Variants in MRTFA observed in about 807,000 individuals in gnomAD.
MRTFA encodes myocardin related transcription factor A.
In MRTFA, 20 loss-of-function variants were observed where a neutral mutation model predicts 83.5. The observed-to-expected ratio is 0.24, with a 90% CI of 0.17 to 0.35. The LOEUF is 0.35. Ranked by LOEUF, MRTFA falls within the 10% of genes least tolerant of loss-of-function variation. The pLI is 1.00. For missense variants in MRTFA, 1,200 were observed against 1,224.7 expected (o/e 0.98, Z 0.30); for synonymous variants, 659 against 541.2 (o/e 1.22, Z -3.02).
At chr22:40,543,753 G>A (rs191306058) in intron 3 of MRTFA, among the ~76,000 whole-genome samples, 1,661 of 152,298 alleles carry the variant, frequency 0.011, 21 homozygotes, top group South Asian at 0.034. Flanking sequence ...TGGAAAATAT[G>A]TATTTACAGT....
At chr22:40,517,063 T>C (rs2054773505) in intron 3 of MRTFA, among the ~76,000 whole-genome samples, 1 of 152,108 alleles carries the variant, frequency 6.6e-6, no homozygotes, top group Admixed American at 6.6e-5. Context: ...GCTGGGACTA[T>C]AGGTGTGCAC....
At chr22:40,514,530 G>A (rs1044802247) in intron 3 of MRTFA, among the ~76,000 whole-genome samples, 8 of 145,992 alleles carry the variant, frequency 5.5e-5, no homozygotes, top group Non-Finnish European at 1.2e-4. Flanking sequence ...GCTGGAGTGC[G>A]ATGGCATGAA....
chr22:40,602,703 G>A (rs944407596), intron 1 of MRTFA, among the ~76,000 whole-genome samples: 7 of 150,954 alleles, frequency 4.6e-5, no homozygotes, highest in African/African-American at 7.3e-5. Context: ...AAAAATTAGC[G>A]AGGCGTGGTG....
chr22:40,416,866 C>T lies in MRTFA; in HGVS notation c.2578+120G>A, dbSNP rs1278154447. 2 of 940,576 alleles carry T rather than the reference C, an allele frequency of 2.1e-6. No individual in the cohort carries two copies. The highest frequency in any genetic ancestry group is 2.6e-5 in the East Asian group (1 of 37,838). 58.3% of individuals were successfully genotyped at this position (940,576 alleles called of 1,614,324 possible). On this transcript the variant is annotated intron_variant, in intron 14 of 14. Coordinates refer to ENST00000355630, the MANE Select transcript of MRTFA (RefSeq NM_020831.6). This position sits in a 1 kb window ranked among gnomAD's most constrained non-coding sequence, Gnocchi z 4.2. ...GGGCTCACAGCCACCACTGCATCCA[C>T]AGTGCTTGCCCAAGACTGGTCACGC...
chr22:40,607,482 C>G (rs1490136420), intron 1 of MRTFA, among the ~76,000 whole-genome samples: 2 of 144,662 alleles, frequency 1.4e-5, no homozygotes, highest in African/African-American at 5.1e-5. Context: ...CCAGCCTGGG[C>G]GACAGAGCGA....
At chr22:40,611,996 AT>A (rs1229845186) in intron 1 of MRTFA, among the ~76,000 whole-genome samples, 1 of 152,214 alleles carries the variant, frequency 6.6e-6, no homozygotes, top group Non-Finnish European at 1.5e-5. Context: ...TATTAAGCCT[AT>A]GTTATTTTTC....
chr22:40,423,602 C>T lies in MRTFA; in HGVS notation c.861G>A (p.Leu287=). 6.3e-7 allele frequency: 1 copy of T among 1,595,086 alleles called. No homozygotes were observed. Among genetic ancestry groups the T allele is most frequent in the Non-Finnish European group, 8.5e-7 (1 of 1,169,800 alleles). Residue 287 remains leucine (L), a synonymous_variant, in exon 9 of 15, where the codon CTG becomes CTA. Transcript: ENST00000355630. ...TTCCATTGGTGAGGCTGGGAGGCAG[C>T]AGAGGTGGGGGAGGCAGAGGAGGCT...
At chr22:40,428,131 A>C (rs193113372) in intron 7 of MRTFA, among the ~76,000 whole-genome samples, 17 of 152,256 alleles carry the variant, frequency 1.1e-4, no homozygotes, top group African/African-American at 3.8e-4. Context: ...CATCCTAGCA[A>C]ATTATCAAGC....
chr22:40,504,737 A>G (rs1461767854), intron 3 of MRTFA, among the ~76,000 whole-genome samples: 1 of 152,230 alleles, frequency 6.6e-6, no homozygotes. Context: ...AATGAACCTC[A>G]AGATGTGTGA....
At chr22:40,617,175 A>AGGG (rs1349228357) in intron 1 of MRTFA, among the ~76,000 whole-genome samples, 14 of 85,470 alleles carry the variant, frequency 1.6e-4, no homozygotes, top group Middle Eastern at 0.018. Context: ...GGAAGGAGGG[A>AGGG]AGGAGGGAAG....
intron 1 of MRTFA, among the ~76,000 whole-genome samples, chr22:40,617,206 G>A (rs2056462033): frequency 1.6e-5 from 2 of 122,700 alleles, no homozygotes; most frequent in Non-Finnish European, 3.5e-5. Context: ...GGGAGGGAGG[G>A]AGGGAGGGAG....
intron 10 of MRTFA, 103 bp from the exon 11 acceptor site, chr22:40,420,679 G>A: frequency 6.5e-7 from 1 of 1,544,852 alleles, no homozygotes; most frequent in Non-Finnish European, 8.7e-7. Flanking sequence ...ATGGGCATGG[G>A]GCAAGGGCCC....
chr22:40,457,418 CAGAATGAAAGAAAGAAAG>C (rs2053604622), intron 4 of MRTFA, among the ~76,000 whole-genome samples: 2 of 91,430 alleles, frequency 2.2e-5, no homozygotes, highest in Admixed American at 1.3e-4. Context: ...GAGAGAGAGA[CAGAATGAAAGAAAGAAAG>C]AGAAAGAAAG....
intron 2 of MRTFA, among the ~76,000 whole-genome samples, chr22:40,553,082 C>T (rs1326784508): frequency 6.6e-6 from 1 of 152,216 alleles, no homozygotes; most frequent in Non-Finnish European, 1.5e-5. Context: ...TTTGCCCCTA[C>T]TCTAGAGAGA....
chr22:40,572,935 G>A lies in MRTFA; in HGVS notation c.-21-20568C>T, dbSNP rs529183038. On this transcript the variant is annotated intron_variant, in intron 2 of 14. Transcript: ENST00000355630. ...TTACAATTCAAGATGAGACTTGGGT[G>A]GCGACACAGCCAAACCATAACAATT... Among the ~76,000 whole-genome samples, 26 of 152,328 alleles carry A rather than the reference G, an allele frequency of 1.7e-4. No individual in the cohort carries two copies. In the South Asian group the frequency reaches 5.4e-3, roughly 32 times the overall value.
intron 3 of MRTFA, among the ~76,000 whole-genome samples, chr22:40,551,759 A>G (rs2055447643): frequency 6.6e-6 from 1 of 152,238 alleles, no homozygotes; most frequent in Admixed American, 6.5e-5. Context: ...TGACAAGGCT[A>G]TACGATAGAG....
Position 40,581,907 on chromosome 22 carries a change from T to C in MRTFA, c.-22+12767A>G, listed in dbSNP as rs193166500. Among the ~76,000 whole-genome samples the C allele has an allele frequency of 3.3e-5, 5 of 152,332 alleles. No individual in the cohort carries two copies. In the East Asian group the frequency reaches 9.6e-4, roughly 29 times the overall value. ...TAATTTGGTCTTACTTGTTAGATAATAGCTTTACTGGTATATAATTCACAT... is the reference window on the plus strand; with the variant it reads ...TAATTTGGTCTTACTTGTTAGATAACAGCTTTACTGGTATATAATTCACAT... On this transcript the variant is annotated intron_variant, in intron 2 of 14. Transcript: ENST00000355630.
chr22:40,617,197 G>GGAGGGAGC (rs2056461657), intron 1 of MRTFA, among the ~76,000 whole-genome samples: 1 of 116,914 alleles, frequency 8.6e-6, no homozygotes, highest in Non-Finnish European at 1.8e-5. Context: ...AGGGAGGGAG[G>GGAGGGAGC]GAGGGAGGGA....
chr22:40,479,228 C>T (rs2054048222), intron 3 of MRTFA, among the ~76,000 whole-genome samples: 1 of 152,106 alleles, frequency 6.6e-6, no homozygotes, highest in Non-Finnish European at 1.5e-5. Context: ...GCCACATATA[C>T]AGTAAGGAGC....
Sources: gnomAD v4.1 joint callset for allele counts (sites outside exome capture counted in the v4.1 genomes callset) on GRCh38, gnomAD v4.1.1 for gene constraint, Gnocchi (gnomAD v3.1) non-coding constraint, MANE v1.5 for transcripts, NCBI Gene and HGNC (gene_info 2026-07-23, HGNC 2026-07-21) for gene names.